AGAP1: variants seen among roughly 807,000 people sequenced by gnomAD.
The protein encoded by AGAP1 is ArfGAP with GTPase domain, ankyrin repeat and PH domain 1.
AGAP1 carries 29 observed loss-of-function variants against 105.3 expected under a neutral mutation model. The observed-to-expected ratio is 0.28, with a 90% CI of 0.21 to 0.38. The LOEUF is 0.38. Among genes scored for constraint, AGAP1 ranks in the 10% least tolerant of loss-of-function variants. AGAP1 has a pLI of 1.00. For missense variants in AGAP1, 998 were observed against 1,165.1 expected (o/e 0.86, Z 2.09); for synonymous variants, 509 against 485.9 (o/e 1.05, Z -0.63).
intron 16 of AGAP1, among the ~76,000 whole-genome samples, chr2:236,067,984 A>G (rs2058390969): frequency 6.6e-6 from 1 of 152,060 alleles, no homozygotes; most frequent in Non-Finnish European, 1.5e-5. Context: ...CTAAAATCAA[A>G]TAATTGGCTG....
chr2:235,585,670 A>G (rs1440927007), intron 1 of AGAP1, among the ~76,000 whole-genome samples: 1 of 152,180 alleles, frequency 6.6e-6, no homozygotes, highest in Non-Finnish European at 1.5e-5. Context: ...AGAGGAACTT[A>G]AGGCTCCACA....
chr2:235,986,282 G>C (rs935698432), intron 13 of AGAP1, among the ~76,000 whole-genome samples: 4 of 152,074 alleles, frequency 2.6e-5, no homozygotes, highest in African/African-American at 9.7e-5. Context: ...CTTATTGTTG[G>C]TGTAAAGGAA....
rs2050429673 is a variant in AGAP1 at position 235,889,545 on chromosome 2, C to CG, written c.1155+6096_1155+6097insG. On this transcript the variant is annotated intron_variant, in intron 10 of 17. Transcript: ENST00000304032. This position sits in a 1 kb window ranked among gnomAD's most constrained non-coding sequence, Gnocchi z 4.6. Reference sequence around the variant, plus strand: ...TCGTCATCCCCCAAAAGTGTCTTTGCCTTTTTTTTTTTTTTTTAGCCCTGA... The same window carrying CG: ...TCGTCATCCCCCAAAAGTGTCTTTGCGCTTTTTTTTTTTTTTTTAGCCCTGA... Among the ~76,000 whole-genome samples, 1 of 129,170 alleles carries CG rather than the reference C, an allele frequency of 7.7e-6. No individual in the cohort carries two copies. The highest frequency in any genetic ancestry group is 1.6e-5 in the Non-Finnish European group (1 of 61,912). The allele number at this position is 129,170 out of a possible 152,430, so 84.7% of individuals were successfully genotyped here.
Position 235,843,909 on chromosome 2 carries a change from C to T in AGAP1, c.1050+36578C>T, listed in dbSNP as rs1961160832. Among the ~76,000 whole-genome samples the T allele has an allele frequency of 6.6e-6, 1 of 152,168 alleles. No homozygotes were observed. Among genetic ancestry groups the T allele is most frequent in the African/African-American group, 2.4e-5 (1 of 41,430 alleles). On this transcript the variant is annotated intron_variant, in intron 9 of 17. Transcript: ENST00000304032. The surrounding 1 kb of genome is among the most constrained non-coding windows in gnomAD (Gnocchi z 5.9). Reference sequence around the variant, plus strand: ...GGGCCGCCAGTGGTGTGGAGCTGGCCGAGAAAGGAGCCTGCTTCCCAGCAT... The same window carrying T: ...GGGCCGCCAGTGGTGTGGAGCTGGCTGAGAAAGGAGCCTGCTTCCCAGCAT...
At chr2:235,786,980 A>G (rs1375641093) in intron 6 of AGAP1, among the ~76,000 whole-genome samples, 1 of 152,156 alleles carries the variant, frequency 6.6e-6, no homozygotes, top group Non-Finnish European at 1.5e-5. Flanking sequence ...TTTTGTTTCC[A>G]TCAGGCTTCC....
intron 9 of AGAP1, among the ~76,000 whole-genome samples, chr2:235,817,762 A>G (rs570473380): frequency 6.6e-6 from 1 of 152,186 alleles, no homozygotes; most frequent in Non-Finnish European, 1.5e-5. Flanking sequence ...ACGGTGGCGC[A>G]TGCCTGTAAT....
chr2:236,042,965 T>C lies in AGAP1; in HGVS notation c.1891+2124T>C, dbSNP rs575431417. On this transcript the variant is annotated intron_variant, in intron 15 of 17. Coordinates refer to ENST00000304032, the MANE Select transcript of AGAP1 (RefSeq NM_001037131.3). The surrounding 1 kb of genome is among the most constrained non-coding windows in gnomAD (Gnocchi z 5.6). ...GTGGGCCCCACTTAAAGGGGAGGAA[T>C]TGAGGAGCCTGAAGGGTCAAGTCAT... Among the ~76,000 whole-genome samples the C allele has an allele frequency of 1.3e-5, 2 of 152,274 alleles. No individual in the cohort carries two copies. The highest frequency in any genetic ancestry group is 1.3e-4 in the Admixed American group (2 of 15,292).
chr2:235,707,494 A>C, intron 1 of AGAP1, among the ~76,000 whole-genome samples: 1 of 12,030 alleles, frequency 8.3e-5, no homozygotes, highest in South Asian at 4.0e-3. Context: ...CCCGCCCAGA[A>C]CACACTGGGC....
At chr2:235,939,235 G>C (rs939786912) in intron 12 of AGAP1, among the ~76,000 whole-genome samples, 1 of 152,016 alleles carries the variant, frequency 6.6e-6, no homozygotes, top group Non-Finnish European at 1.5e-5. Context: ...TTGCCTGAAG[G>C]CCCTCTGCAT....
In AGAP1 at chr2:235,936,142, G is replaced by A. The variant is rs2052977113; in HGVS notation, c.1483+5219G>A. Among the ~76,000 whole-genome samples the A allele has an allele frequency of 6.6e-6, 1 of 152,210 alleles. No individual in the cohort carries two copies. The highest frequency in any genetic ancestry group is 6.5e-5 in the Admixed American group (1 of 15,290). On this transcript the variant is annotated intron_variant, in intron 12 of 17. Coordinates refer to ENST00000304032, the MANE Select transcript of AGAP1 (RefSeq NM_001037131.3). This position sits in a 1 kb window ranked among gnomAD's most constrained non-coding sequence, Gnocchi z 4.7. ...CCAACAGTTTATCTTCTGCCACGCT[G>A]ACTGGCCATCACTGTTAATACTGCA...
At chr2:236,017,175 C>T (rs2056733240) in intron 13 of AGAP1, among the ~76,000 whole-genome samples, 1 of 151,740 alleles carries the variant, frequency 6.6e-6, no homozygotes. Flanking sequence ...CACCTGTAAT[C>T]CCAGCTACTC....
intron 9 of AGAP1, among the ~76,000 whole-genome samples, chr2:235,812,244 G>T (rs1958185315): frequency 1.3e-5 from 2 of 152,156 alleles, no homozygotes; most frequent in African/African-American, 4.8e-5. Flanking sequence ...TGTGAGAGCA[G>T]TCATTTCCCA....
rs1044853940 is a variant in AGAP1, at chr2:235,934,285, C to T, written c.1483+3362C>T. On this transcript the variant is annotated intron_variant, in intron 12 of 17. Coordinates refer to ENST00000304032, the MANE Select transcript of AGAP1 (RefSeq NM_001037131.3). This position sits in a 1 kb window ranked among gnomAD's most constrained non-coding sequence, Gnocchi z 4.9. Reference sequence around the variant, plus strand: ...AACCACTGCTGTAAGTCCTCACTTCCCAAAGCCTGGTCCACGGACCAAGTG... The same window carrying T: ...AACCACTGCTGTAAGTCCTCACTTCTCAAAGCCTGGTCCACGGACCAAGTG... Among the ~76,000 whole-genome samples, 1 of 152,188 alleles carries T rather than the reference C, an allele frequency of 6.6e-6. No homozygotes were observed. Among genetic ancestry groups the T allele is most frequent in the Admixed American group, 6.5e-5 (1 of 15,276 alleles).
chr2:235,956,214 A>G (rs946120787), intron 12 of AGAP1, among the ~76,000 whole-genome samples: 2 of 152,202 alleles, frequency 1.3e-5, no homozygotes, highest in Admixed American at 6.5e-5. Context: ...GAATCTCTCA[A>G]AATGATTTCA....
intron 6 of AGAP1, among the ~76,000 whole-genome samples, chr2:235,770,101 A>G (rs1575405266): frequency 6.7e-6 from 1 of 149,694 alleles, no homozygotes; most frequent in African/African-American, 2.4e-5. Context: ...TAACACATAT[A>G]TATACACACA....
At chr2:235,508,409 A>G (rs747278818) in intron 1 of AGAP1, among the ~76,000 whole-genome samples, 2 of 152,358 alleles carry the variant, frequency 1.3e-5, no homozygotes, top group East Asian at 3.9e-4. Flanking sequence ...TTCTCTCCGC[A>G]GTTCGCAGCT....
chr2:235,769,273 C>CA lies in AGAP1; in HGVS notation c.673+18786dup, dbSNP rs1436487543. On this transcript the variant is annotated intron_variant, in intron 6 of 17. Coordinates refer to ENST00000304032, the MANE Select transcript of AGAP1 (RefSeq NM_001037131.3). This position sits in a 1 kb window ranked among gnomAD's most constrained non-coding sequence, Gnocchi z 4.4. ...CTCCTGGGATTGGTGGCAGGTCATG[C>CA]AGTCATTGCTCACCAGAGCCAGGAC... Among the ~76,000 whole-genome samples the CA allele has an allele frequency of 1.3e-5, 2 of 152,212 alleles. No individual in the cohort carries two copies. The highest frequency in any genetic ancestry group is 2.9e-5 in the Non-Finnish European group (2 of 68,044).
rs1016445614 is a variant in AGAP1, at chr2:235,714,121, C to G, written c.223-3436C>G. On this transcript the variant is annotated intron_variant, in intron 2 of 17. Transcript: ENST00000304032. This position sits in a 1 kb window ranked among gnomAD's most constrained non-coding sequence, Gnocchi z 4.1. ...CTCTGCCTCCCGGGTTCAAGTGATT[C>G]TCCTGCCTCAGCCTCCTGAGTAGCT... Among the ~76,000 whole-genome samples the G allele has an allele frequency of 6.6e-5, 10 of 152,166 alleles. No homozygotes were observed. The highest frequency in any genetic ancestry group is 2.4e-4 in the African/African-American group (10 of 41,440).
intron 1 of AGAP1, among the ~76,000 whole-genome samples, chr2:235,498,480 A>AG (rs1260697167): frequency 1.3e-5 from 2 of 152,188 alleles, no homozygotes; most frequent in Non-Finnish European, 2.9e-5. Flanking sequence ...AATGAGCCTG[A>AG]GAGCCATCTC....
Sources: gnomAD v4.1 joint callset for allele counts (sites outside exome capture counted in the v4.1 genomes callset) on GRCh38, gnomAD v4.1.1 for gene constraint, Gnocchi (gnomAD v3.1) non-coding constraint, MANE v1.5 for transcripts, NCBI Gene and HGNC (gene_info 2026-07-23, HGNC 2026-07-21) for gene names.